The following RAB3C variants were observed in gnomAD, a reference collection of about 807,000 sequenced individuals.
The protein encoded by RAB3C is ras-related protein Rab-3C.
Under a neutral mutation model 26.4 loss-of-function variants are expected in RAB3C, and 17 were observed. The observed-to-expected ratio is 0.64, with a 90% confidence interval of 0.44 to 0.97. RAB3C has a LOEUF of 0.97. Ranked by LOEUF, RAB3C falls within the 50% of genes least tolerant of loss-of-function variation. The probability of loss-of-function intolerance (pLI) is 0.00; values close to 1 mark genes in which losing one functional copy is unlikely to be tolerated. For missense variants in RAB3C, 242 were observed against 281.9 expected (o/e 0.86, Z 1.01); for synonymous variants, 91 against 95.9 (o/e 0.95, Z 0.30).
chr5:58,829,507 C>T (rs568257558), intron 4 of RAB3C, among the ~76,000 whole-genome samples: 1 of 152,076 alleles, frequency 6.6e-6, no homozygotes, highest in African/African-American at 2.4e-5. Context: ...TTATTATAAG[C>T]TCGGAAAGGG....
intron 3 of RAB3C, among the ~76,000 whole-genome samples, chr5:58,756,531 C>A (rs1391777529): frequency 7.0e-6 from 1 of 142,098 alleles, no homozygotes; most frequent in African/African-American, 2.6e-5. Flanking sequence ...CCTCCCCTGG[C>A]CCCCCACCCC....
intron 3 of RAB3C, among the ~76,000 whole-genome samples, chr5:58,755,993 A>G (rs1409511171): frequency 6.6e-6 from 1 of 152,136 alleles, no homozygotes; most frequent in African/African-American, 2.4e-5. Context: ...TGACATTTGC[A>G]CACTTTTTAA....
chr5:58,582,369 C>T (rs550087840), upstream of RAB3C: 13 of 985,144 alleles, frequency 1.3e-5, no homozygotes, highest in South Asian at 5.6e-4. Flanking sequence ...AGCGAGGGCA[C>T]TTGAGAATTT....
In RAB3C at chr5:58,774,152, A is replaced by G. The variant is rs757684183; in HGVS notation, c.371+48032A>G. On this transcript the variant is annotated intron_variant, in intron 3 of 4. Coordinates refer to ENST00000282878, the MANE Select transcript of RAB3C (RefSeq NM_138453.4). Reference sequence around the variant, plus strand: ...AGCACCTGAGACATAGTATGTTGAAATGGATCAATGAATGAATAAATTAAT... The same window carrying G: ...AGCACCTGAGACATAGTATGTTGAAGTGGATCAATGAATGAATAAATTAAT... 3.9e-4 allele frequency among the ~76,000 whole-genome samples: 60 copies of G among 152,152 alleles called. 1 individual carries two copies. The highest frequency in any genetic ancestry group is 2.6e-4 in the Admixed American group (4 of 15,260).
chr5:58,779,395 A>AT (rs1234176236), intron 3 of RAB3C, among the ~76,000 whole-genome samples: 1 of 148,740 alleles, frequency 6.7e-6, no homozygotes, highest in Non-Finnish European at 1.5e-5. Context: ...TATATATATG[A>AT]TTTTTTTCAG....
chr5:58,781,730 A>T (rs565510203), intron 3 of RAB3C, among the ~76,000 whole-genome samples: 1 of 151,998 alleles, frequency 6.6e-6, no homozygotes, highest in African/African-American at 2.4e-5. Flanking sequence ...TATAATCTGG[A>T]CTCAACCTAC....
intron 3 of RAB3C, among the ~76,000 whole-genome samples, chr5:58,779,215 C>A (rs946629299): frequency 5.3e-5 from 8 of 152,056 alleles, no homozygotes; most frequent in Middle Eastern, 6.8e-3. Context: ...CTCACTCTGG[C>A]TTTTCACCCC....
chr5:58,816,498 C>T (rs1207862317), intron 3 of RAB3C, among the ~76,000 whole-genome samples: 2 of 152,044 alleles, frequency 1.3e-5, no homozygotes, highest in African/African-American at 4.8e-5. Context: ...GTTGCTTTCA[C>T]GAAAGCTGTA....
chr5:58,664,233 A>G (rs1030209593), intron 2 of RAB3C, among the ~76,000 whole-genome samples: 1 of 152,200 alleles, frequency 6.6e-6, no homozygotes, highest in African/African-American at 2.4e-5. Flanking sequence ...ATTTCCTTCA[A>G]TAGATGAATC....
chr5:58,695,494 G>T (rs1048182833), intron 2 of RAB3C, among the ~76,000 whole-genome samples: 1 of 152,032 alleles, frequency 6.6e-6, no homozygotes, highest in African/African-American at 2.4e-5. Flanking sequence ...ATGGCATTGA[G>T]TCTATAAATT....
chr5:58,815,951 G>A (rs887209356), intron 3 of RAB3C: 1 of 152,226 alleles, frequency 6.6e-6, no homozygotes, highest in African/African-American at 2.4e-5. Flanking sequence ...AGCCATAAAT[G>A]TGTTTTAGAC....
At chr5:58,681,727 C>A (rs1748348291) in intron 2 of RAB3C, among the ~76,000 whole-genome samples, 1 of 152,056 alleles carries the variant, frequency 6.6e-6, no homozygotes. Context: ...AGCATGGGAC[C>A]TATAAATACT....
At chr5:58,828,197 G>T (rs1424375403) in intron 4 of RAB3C, among the ~76,000 whole-genome samples, 1 of 152,174 alleles carries the variant, frequency 6.6e-6, no homozygotes, top group Non-Finnish European at 1.5e-5. Flanking sequence ...TACTGGGAAT[G>T]CAATGACAAA....
At chr5:58,661,042 A>G (rs1490949836) in intron 2 of RAB3C, among the ~76,000 whole-genome samples, 1 of 150,012 alleles carries the variant, frequency 6.7e-6, no homozygotes, top group Non-Finnish European at 1.5e-5. Flanking sequence ...CAAAATCAAA[A>G]CATGATAATG....
At chr5:58,822,899 G>A in intron 3 of RAB3C, 1 of 639,632 alleles carries the variant, frequency 1.6e-6, no homozygotes, top group Non-Finnish European at 2.9e-6. Flanking sequence ...AGATTAATGT[G>A]ATGTGGAAAG....
At chr5:58,832,282 T>G (rs1222184475) in intron 4 of RAB3C, among the ~76,000 whole-genome samples, 1 of 152,172 alleles carries the variant, frequency 6.6e-6, no homozygotes, top group African/African-American at 2.4e-5. Flanking sequence ...CAATGTAAAT[T>G]TAGCAAAGTC....
chr5:58,833,184 T>A (rs1579944045), intron 4 of RAB3C, among the ~76,000 whole-genome samples: 1 of 151,778 alleles, frequency 6.6e-6, no homozygotes, highest in East Asian at 1.9e-4. Flanking sequence ...GACTGGAGGG[T>A]AAGGACAGGA....
intron 2 of RAB3C, among the ~76,000 whole-genome samples, chr5:58,636,161 T>C (rs909115536): frequency 6.6e-6 from 1 of 152,160 alleles, no homozygotes; most frequent in African/African-American, 2.4e-5. Flanking sequence ...GAAGAGAATA[T>C]ATAAAATCAA....
intron 3 of RAB3C, among the ~76,000 whole-genome samples, chr5:58,759,341 A>G (rs982637945): frequency 2.6e-5 from 4 of 152,196 alleles, no homozygotes; most frequent in African/African-American, 7.2e-5. Context: ...AGAGACCCCA[A>G]GCTGTTCCCT....
Sources: allele counts gnomAD v4.1 joint callset (sites outside exome capture counted in the v4.1 genomes callset), GRCh38; gene constraint gnomAD v4.1.1; transcripts MANE v1.5; gene names NCBI Gene and HGNC (gene_info 2026-07-23, HGNC 2026-07-21).